The following RETREG1 variants were observed in gnomAD, a reference collection of about 807,000 sequenced individuals.
RETREG1 encodes family with sequence similarity 134 member B.
A neutral mutation model predicts 54.8 loss-of-function variants in RETREG1; 44 were observed. That is an observed-to-expected ratio of 0.80 (90% CI 0.63 to 1.03). The LOEUF (loss-of-function observed/expected upper bound fraction) is 1.03, where lower values mean the gene tolerates loss of function less well. Ranked by LOEUF, RETREG1 falls within the 50% of genes least tolerant of loss-of-function variation. RETREG1 has a pLI of 0.00. For missense variants in RETREG1, 554 were observed against 605.1 expected (o/e 0.92, Z 0.89); for synonymous variants, 217 against 238.5 (o/e 0.91, Z 0.83).
At chr5:16,556,254 G>A (rs1741704180) in intron 3 of RETREG1, among the ~76,000 whole-genome samples, 1 of 151,630 alleles carries the variant, frequency 6.6e-6, no homozygotes, top group Non-Finnish European at 1.5e-5. Context: ...CGCCTCCCAG[G>A]TTCACGCCAT....
chr5:16,503,963 G>A (rs940274701), intron 3 of RETREG1, among the ~76,000 whole-genome samples: 2 of 152,048 alleles, frequency 1.3e-5, no homozygotes, highest in African/African-American at 4.8e-5. Context: ...CATAGGTAAA[G>A]GTGTGCCATG....
intron 3 of RETREG1, among the ~76,000 whole-genome samples, chr5:16,535,623 C>T (rs1167205853): frequency 2.8e-5 from 4 of 145,400 alleles, no homozygotes; most frequent in South Asian, 4.4e-4. Context: ...GCTGCCTTCA[C>T]GAAGTGGGAG....
intron 1 of RETREG1, among the ~76,000 whole-genome samples, chr5:16,580,737 A>T (rs956902776): frequency 1.2e-4 from 18 of 152,188 alleles, no homozygotes; most frequent in African/African-American, 4.1e-4. Context: ...GCGATCGAGT[A>T]CAGACTTGGA....
intron 1 of RETREG1, among the ~76,000 whole-genome samples, chr5:16,574,169 TGAGGTAC>T (rs1361907173): frequency 3.4e-5 from 5 of 148,082 alleles, no homozygotes; most frequent in African/African-American, 1.3e-4. Flanking sequence ...CAGGAAAGGG[TGAGGTAC>T]CTGTGGCACA....
In RETREG1 at chr5:16,478,857, C is replaced by T. The variant is rs1738646044; in HGVS notation, c.801G>A (p.Glu267=). The T allele has an allele frequency of 1.2e-6, 2 of 1,611,748 alleles. No individual in the cohort carries two copies. Among genetic ancestry groups the T allele is most frequent in the Non-Finnish European group, 8.5e-7 (1 of 1,178,502 alleles). ...IGEYINQKKR[E]RSEADKEKSH... ...AATATAAACTTTACCTACCAGATCT[C>T]TCACGTTTCTTCTGATTAATATATT... The change falls in exon 6 of 9, where the codon GAG becomes GAA. Residue 267 remains glutamate, a synonymous_variant. Transcript: ENST00000306320.
At chr5:16,501,628 C>T (rs888774110) in intron 3 of RETREG1, among the ~76,000 whole-genome samples, 3 of 151,950 alleles carry the variant, frequency 2.0e-5, no homozygotes, top group African/African-American at 4.8e-5. Context: ...CTGCAACCTC[C>T]GCCTCCCAGG....
At position 16,572,106 on chromosome 5, in the gene RETREG1, C is replaced by A; in HGVS notation, c.321-4G>T. 1 of 1,598,604 alleles carries A rather than the reference C, an allele frequency of 6.3e-7. No homozygotes were observed. The highest frequency in any genetic ancestry group is 8.6e-7 in the Non-Finnish European group (1 of 1,166,018). On this transcript the variant is annotated splice_region_variant and splice_polypyrimidine_tract_variant and intron_variant, in intron 1 of 8. Coordinates refer to ENST00000306320, the MANE Select transcript of RETREG1 (RefSeq NM_001034850.3). Reference sequence around the variant, plus strand: ...CCATGGAGTCAATGCAAGGAACCTGCAACAGCGAAACACAAATCAGTATTT... The same window carrying A: ...CCATGGAGTCAATGCAAGGAACCTGAAACAGCGAAACACAAATCAGTATTT...
chr5:16,530,128 C>T (rs334484), intron 3 of RETREG1, among the ~76,000 whole-genome samples: 14,341 of 152,266 alleles, frequency 0.094, 826 homozygotes, highest in African/African-American at 0.14. Flanking sequence ...AGTCCACTTT[C>T]GGGGAACCTA....
intron 3 of RETREG1, among the ~76,000 whole-genome samples, chr5:16,501,174 G>T (rs1739695200): frequency 6.6e-6 from 1 of 152,128 alleles, no homozygotes; most frequent in African/African-American, 2.4e-5. Flanking sequence ...TATTTAACAT[G>T]GCTTACCATA....
intron 2 of RETREG1, among the ~76,000 whole-genome samples, chr5:16,567,288 G>T (rs764386251): frequency 2.0e-5 from 3 of 152,172 alleles, no homozygotes; most frequent in Non-Finnish European, 4.4e-5. Flanking sequence ...TGGAGACAGG[G>T]TGCACTGAGA....
At chr5:16,503,381 T>A (rs1739798956) in intron 3 of RETREG1, among the ~76,000 whole-genome samples, 1 of 151,900 alleles carries the variant, frequency 6.6e-6, no homozygotes, top group Admixed American at 6.6e-5. Context: ...AATAAATAAT[T>A]CCATAGACCA....
chr5:16,489,955 AC>A (rs1739181761), intron 3 of RETREG1, among the ~76,000 whole-genome samples: 1 of 152,198 alleles, frequency 6.6e-6, no homozygotes, highest in African/African-American at 2.4e-5. Flanking sequence ...TGTTTTTACA[AC>A]TCAGTTATTT....
intron 1 of RETREG1, among the ~76,000 whole-genome samples, chr5:16,581,560 CACACAA>C (rs1029280449): frequency 7.6e-6 from 1 of 131,574 alleles, no homozygotes; most frequent in Non-Finnish European, 1.7e-5. Flanking sequence ...CACACACACA[CACACAA>C]AACACACACA....
At position 16,614,043 on chromosome 5, in the gene RETREG1, G is replaced by A. The variant is rs539459996; in HGVS notation, c.320+2609C>T. Among the ~76,000 whole-genome samples the A allele has an allele frequency of 2.1e-3, 321 of 152,326 alleles. 1 individual carries two copies. Among genetic ancestry groups the A allele is most frequent in the African/African-American group, 7.3e-3 (304 of 41,578 alleles). Reference sequence around the variant, plus strand: ...TTTTGTCAAAGAAAATACATGCATGGAATGCAGATGCCACAAACAGGAGAT... The same window carrying A: ...TTTTGTCAAAGAAAATACATGCATGAAATGCAGATGCCACAAACAGGAGAT... On this transcript the variant is annotated intron_variant, in intron 1 of 8. Coordinates refer to ENST00000306320, the MANE Select transcript of RETREG1 (RefSeq NM_001034850.3).
intron 3 of RETREG1, among the ~76,000 whole-genome samples, chr5:16,527,155 G>A (rs1291746893): frequency 6.6e-6 from 1 of 152,152 alleles, no homozygotes; most frequent in Non-Finnish European, 1.5e-5. Flanking sequence ...GTCGACCTCA[G>A]AATTTGCTTC....
chr5:16,526,602 G>A (rs368731663), intron 3 of RETREG1, among the ~76,000 whole-genome samples: 4 of 152,232 alleles, frequency 2.6e-5, no homozygotes, highest in African/African-American at 9.6e-5. Context: ...GACAGAAGGA[G>A]ATGAGTCAGG....
chr5:16,535,885 G>C (rs1181318040), intron 3 of RETREG1, among the ~76,000 whole-genome samples: 1 of 147,016 alleles, frequency 6.8e-6, no homozygotes, highest in African/African-American at 2.6e-5. Flanking sequence ...TGGGGTTCCT[G>C]TGTGCACGCT....
intron 1 of RETREG1, among the ~76,000 whole-genome samples, chr5:16,576,294 C>CT (rs70940380): frequency 0.013 from 1,663 of 125,794 alleles, 31 homozygotes; most frequent in African/African-American, 0.034. Flanking sequence ...TTTTCTTTTT[C>CT]TTTTTTTTTT....
In RETREG1 at chr5:16,593,323, C is replaced by A. The variant is rs1339922038; in HGVS notation, c.321-21221G>T. Among the ~76,000 whole-genome samples the A allele has an allele frequency of 6.6e-6, 1 of 152,156 alleles. No individual in the cohort carries two copies. The highest frequency in any genetic ancestry group is 2.4e-5 in the African/African-American group (1 of 41,434). ...TTTCCCATCTGTCTGTCCTTCCCTA[C>A]CCCATACTACAAGCTCTGTGAGAGA... On this transcript the variant is annotated intron_variant, in intron 1 of 8. Transcript: ENST00000306320. The surrounding 1 kb of genome is among the most constrained non-coding windows in gnomAD (Gnocchi z 4.9).
Sources: allele counts gnomAD v4.1 joint callset (sites outside exome capture counted in the v4.1 genomes callset), GRCh38; gene constraint gnomAD v4.1.1; non-coding constraint Gnocchi (gnomAD v3.1); transcripts MANE v1.5; gene names NCBI Gene and HGNC (gene_info 2026-07-23, HGNC 2026-07-21).